TMTC1: variants seen among roughly 807,000 people sequenced by gnomAD.
TMTC1 encodes the protein transmembrane O-mannosyltransferase targeting cadherins 1.
A neutral mutation model predicts 104.8 loss-of-function variants in TMTC1; 73 were observed. The ratio of observed to expected loss-of-function variants is 0.70; its 90% CI spans 0.58 to 0.85. TMTC1 has a LOEUF of 0.85. Ranked by LOEUF, TMTC1 falls within the 40% of genes least tolerant of loss-of-function variation. TMTC1 has a pLI of 0.00. For synonymous variants in TMTC1, 434 were observed against 428.7 expected (o/e 1.01, Z -0.15); for missense variants, 1,035 against 1,096.1 (o/e 0.94, Z 0.79).
intron 5 of TMTC1, among the ~76,000 whole-genome samples, chr12:29,690,189 G>A (rs1279327544): frequency 6.6e-6 from 1 of 152,204 alleles, no homozygotes; most frequent in Non-Finnish European, 1.5e-5. Flanking sequence ...TATGGTAGAA[G>A]GGCTTGGTAG....
intron 5 of TMTC1, among the ~76,000 whole-genome samples, chr12:29,741,782 T>C (rs1281543339): frequency 6.6e-6 from 1 of 152,230 alleles, no homozygotes; most frequent in African/African-American, 2.4e-5. Context: ...TCATCAACCA[T>C]GATTACGTCT....
intron 2 of TMTC1, among the ~76,000 whole-genome samples, chr12:29,763,176 A>C (rs369955851): frequency 6.6e-6 from 1 of 152,218 alleles, no homozygotes; most frequent in African/African-American, 2.4e-5. Context: ...AAGAGACAAC[A>C]GCAGACTGTG....
chr12:29,691,083 T>C (rs941319265), intron 5 of TMTC1, among the ~76,000 whole-genome samples: 2 of 152,200 alleles, frequency 1.3e-5, no homozygotes, highest in African/African-American at 2.4e-5. Context: ...TCTGCCTTTG[T>C]AGGACTAACA....
chr12:29,586,095 T>C (rs536000544), intron 7 of TMTC1, among the ~76,000 whole-genome samples: 163 of 152,344 alleles, frequency 1.1e-3, no homozygotes, highest in Non-Finnish European at 1.8e-3. Flanking sequence ...TCCATTTCTT[T>C]GTATCCTCTT....
intron 9 of TMTC1, among the ~76,000 whole-genome samples, chr12:29,568,112 GTC>G (rs1232505020): frequency 6.6e-6 from 1 of 152,122 alleles, no homozygotes. Context: ...ATCATAACAA[GTC>G]TCTATGTTAT....
At chr12:29,659,736 G>A (rs1939926139) in intron 5 of TMTC1, 3 of 606,804 alleles carry the variant, frequency 4.9e-6, no homozygotes, top group Non-Finnish European at 8.3e-6. Context: ...TTTATTTATT[G>A]GAAACAATTT....
At chr12:29,561,009 G>C (rs1487127578) in intron 9 of TMTC1, among the ~76,000 whole-genome samples, 1 of 152,054 alleles carries the variant, frequency 6.6e-6, no homozygotes, top group African/African-American at 2.4e-5. Flanking sequence ...TGCTTAAGTA[G>C]AACTATTGTA....
chr12:29,708,032 T>C (rs961678531), intron 5 of TMTC1, among the ~76,000 whole-genome samples: 1 of 152,184 alleles, frequency 6.6e-6, no homozygotes, highest in African/African-American at 2.4e-5. Context: ...ACACAAGATG[T>C]CCTCATTCAA....
At position 29,692,965 on chromosome 12, in the gene TMTC1, T is replaced by C. The variant is rs536243156; in HGVS notation, c.938+58701A>G. Among the ~76,000 whole-genome samples the C allele has an allele frequency of 1.5e-4, 22 of 145,032 alleles. 2 individuals carry two copies. Among genetic ancestry groups the C allele is most frequent in the South Asian group, 2.2e-4 (1 of 4,540 alleles). On this transcript the variant is annotated intron_variant, in intron 5 of 17. Transcript: ENST00000539277. ...CGAATCTACAAAAACAGAAAGCAGA[T>C]GAGTGATTGCCTGGGGCTGGGATTA...
chr12:29,749,543 C>T (rs1049360784), intron 5 of TMTC1, among the ~76,000 whole-genome samples: 1 of 152,134 alleles, frequency 6.6e-6, no homozygotes, highest in Non-Finnish European at 1.5e-5. Context: ...CTCTGTACTC[C>T]TTTAGCCTCC....
intron 5 of TMTC1, among the ~76,000 whole-genome samples, chr12:29,745,618 C>CAAAA (rs71444341): frequency 0.057 from 4,656 of 82,162 alleles, 226 homozygotes; most frequent in African/African-American, 0.089. Flanking sequence ...GAGACTCAAT[C>CAAAA]AAAAAAAAAA....
intron 1 of TMTC1, among the ~76,000 whole-genome samples, chr12:29,775,855 T>C (rs901562534): frequency 6.6e-6 from 1 of 152,112 alleles, no homozygotes; most frequent in African/African-American, 2.4e-5. Flanking sequence ...TATAACCATC[T>C]AGGAGCCCAC....
intron 7 of TMTC1, among the ~76,000 whole-genome samples, chr12:29,602,858 G>C (rs1231107481): frequency 6.6e-6 from 1 of 152,080 alleles, no homozygotes; most frequent in Non-Finnish European, 1.5e-5. Flanking sequence ...AGCATTTATG[G>C]CAGAGGGGCT....
At chr12:29,695,828 T>TATATATATATATATATATAA (rs1243156784) in intron 5 of TMTC1, among the ~76,000 whole-genome samples, 1 of 106,174 alleles carries the variant, frequency 9.4e-6, no homozygotes. Context: ...TATATATATA[T>TATATATATATATATATATAA]AACCTGTCTT....
chr12:29,604,910 T>C (rs1368384460), intron 6 of TMTC1, among the ~76,000 whole-genome samples: 2 of 152,186 alleles, frequency 1.3e-5, no homozygotes, highest in Non-Finnish European at 2.9e-5. Context: ...TAAAAAATCG[T>C]TATAATAATT....
chr12:29,679,436 A>G (rs1400115603), intron 5 of TMTC1, among the ~76,000 whole-genome samples: 1 of 152,194 alleles, frequency 6.6e-6, no homozygotes, highest in East Asian at 1.9e-4. Context: ...TTACAAATTA[A>G]AAATAAGGAA....
At chr12:29,643,638 AAT>A (rs1347608291) in intron 5 of TMTC1, among the ~76,000 whole-genome samples, 5 of 29,460 alleles carry the variant, frequency 1.7e-4, no homozygotes, top group South Asian at 2.1e-3. Flanking sequence ...TTATATATAT[AAT>A]ATATATGTTA....
At chr12:29,576,454 TA>T (rs1350037085) in intron 8 of TMTC1, among the ~76,000 whole-genome samples, 1 of 152,138 alleles carries the variant, frequency 6.6e-6, no homozygotes, top group Non-Finnish European at 1.5e-5. Flanking sequence ...TATTCAGCCT[TA>T]AAAAAGAGAT....
chr12:29,680,017 T>A (rs1227904675), intron 5 of TMTC1, among the ~76,000 whole-genome samples: 3 of 152,194 alleles, frequency 2.0e-5, no homozygotes, highest in Non-Finnish European at 4.4e-5. Context: ...TTTTTAATAA[T>A]CACTTTGTTT....
Sources: allele counts gnomAD v4.1 joint callset (sites outside exome capture counted in the v4.1 genomes callset), GRCh38; gene constraint gnomAD v4.1.1; transcripts MANE v1.5; gene names NCBI Gene and HGNC (gene_info 2026-07-23, HGNC 2026-07-21).